PDZD8: variants seen among roughly 807,000 people sequenced by gnomAD.
PDZD8 encodes the protein PDZ domain containing 8, also known as PDZ domain-containing protein 8.
PDZD8 carries 14 observed loss-of-function variants against 85.8 expected under a neutral mutation model. That is an observed-to-expected ratio of 0.16 (90% CI 0.11 to 0.26). The LOEUF is 0.26. PDZD8 is among the 10% of genes least tolerant of loss of function. The probability of loss-of-function intolerance (pLI) is 1.00; values close to 1 mark genes in which losing one functional copy is unlikely to be tolerated. For synonymous variants in PDZD8, 592 were observed against 568.6 expected (o/e 1.04, Z -0.59); for missense variants, 1,197 against 1,424.3 (o/e 0.84, Z 2.57).
intron 2 of PDZD8, among the ~76,000 whole-genome samples, chr10:117,331,593 T>C (rs1391446413): frequency 1.3e-5 from 2 of 152,198 alleles, no homozygotes; most frequent in Non-Finnish European, 2.9e-5. Flanking sequence ...AATTATTATT[T>C]TCTGACCACA....
chr10:117,374,988 G>A lies in PDZD8; in HGVS notation c.240C>T (p.Pro80=). ...GGGCGGGGGTCTCGGGGGCCGCGGTGGGGGTCGCGCCGCCCTCAGGGGCCG... is the reference window on the plus strand; with the variant it reads ...GGGCGGGGGTCTCGGGGGCCGCGGTAGGGGTCGCGCCGCCCTCAGGGGCCG... ...SGAAPEGGAT[P]TAAPETPAPP... is the part of the protein sequence containing the mutation. Residue 80 remains proline (P), a synonymous_variant, in exon 1 of 5, where the codon CCC becomes CCT. Coordinates refer to ENST00000334464, the MANE Select transcript of PDZD8 (RefSeq NM_173791.5). This position sits in a 1 kb window ranked among gnomAD's most constrained non-coding sequence, Gnocchi z 7.8. 1 of 1,594,548 alleles carries A rather than the reference G, an allele frequency of 6.3e-7. No individual in the cohort carries two copies. Among genetic ancestry groups the A allele is most frequent in the East Asian group, 2.3e-5 (1 of 43,992 alleles).
chr10:117,278,106 A>T lies in PDZD8; in HGVS notation c.*5162T>A, dbSNP rs1050319819. ...ATACTGTCAAGGTTGTTTAAACATG[A>T]TAAGGTTAATCGCCATCTACTTCAA... On this transcript the variant is annotated 3_prime_UTR_variant, in exon 5 of 5. Transcript: ENST00000334464. The T allele has an allele frequency of 6.6e-6, 1 of 152,194 alleles. No individual in the cohort carries two copies. Among genetic ancestry groups the T allele is most frequent in the Admixed American group, 6.5e-5 (1 of 15,284 alleles). The allele number at this position is 152,194 out of a possible 1,614,324, so 9.4% of individuals were successfully genotyped here.
intron 1 of PDZD8, among the ~76,000 whole-genome samples, chr10:117,366,745 T>C (rs895417153): frequency 6.6e-6 from 1 of 152,220 alleles, no homozygotes; most frequent in African/African-American, 2.4e-5. Context: ...GAAGAAATAA[T>C]AGAGCATGAG....
intron 2 of PDZD8, among the ~76,000 whole-genome samples, chr10:117,330,443 G>A (rs188103651): frequency 6.6e-6 from 1 of 152,258 alleles, no homozygotes; most frequent in Admixed American, 6.5e-5. Context: ...ACTGTGTCTT[G>A]TTCTTTCTAT....
chr10:117,310,323 C>T (rs1404055919), intron 3 of PDZD8, among the ~76,000 whole-genome samples: 1 of 152,162 alleles, frequency 6.6e-6, no homozygotes, highest in Admixed American at 6.6e-5. Flanking sequence ...ACTACTGATA[C>T]TCACAGTACT....
At chr10:117,315,283 A>G (rs1328253029) in intron 3 of PDZD8, among the ~76,000 whole-genome samples, 1 of 152,000 alleles carries the variant, frequency 6.6e-6, no homozygotes, top group Non-Finnish European at 1.5e-5. Flanking sequence ...AGAGAACAAA[A>G]CTTTTATTAA....
chr10:117,285,626 TG>T lies in PDZD8; in HGVS notation c.1262-156del. On this transcript the variant is annotated intron_variant, in intron 4 of 4. Transcript: ENST00000334464. ...AGGAAAATCTCAACAATATTTTATT[TG>T]GCTTTTGGATGAATCAGTGTGCTAA... The T allele has an allele frequency of 2.6e-6, 3 of 1,175,002 alleles. No individual in the cohort carries two copies. In the East Asian group the frequency reaches 8.5e-5, roughly 33 times the overall value. 72.8% of individuals were successfully genotyped at this position (1,175,002 alleles called of 1,614,324 possible).
chr10:117,285,244 C>G lies in PDZD8; in HGVS notation c.1489G>C (p.Glu497Gln). ...ACATCACTTGCCAAGTCTTCAAATT[C>G]AGAATCCAGCTCTCTACTTTCAGTA... ...VDTESRELDSEFEDLASDVRA... is the reference protein window; with the variant it reads ...VDTESRELDSQFEDLASDVRA... The change falls in exon 5 of 5, where the codon GAA becomes CAA. Residue 497 changes from glutamate to glutamine, a missense_variant. Transcript: ENST00000334464. 1 of 1,614,188 alleles carries G rather than the reference C, an allele frequency of 6.2e-7. No individual in the cohort carries two copies. Among genetic ancestry groups the G allele is most frequent in the Middle Eastern group, 1.6e-4 (1 of 6,062 alleles).
intron 3 of PDZD8, among the ~76,000 whole-genome samples, chr10:117,300,992 A>AT (rs1417065565): frequency 3.9e-5 from 6 of 151,902 alleles, no homozygotes; most frequent in African/African-American, 7.3e-5. Flanking sequence ...AAAAATCATC[A>AT]TTTTTTTCTT....
chr10:117,327,304 A>C (rs1844334994), intron 2 of PDZD8, among the ~76,000 whole-genome samples: 1 of 152,240 alleles, frequency 6.6e-6, no homozygotes, highest in Admixed American at 6.5e-5. Flanking sequence ...GAATTGTTAA[A>C]CAAAAATTAT....
intron 3 of PDZD8, among the ~76,000 whole-genome samples, chr10:117,295,016 A>C (rs910871121): frequency 1.3e-5 from 2 of 152,196 alleles, no homozygotes; most frequent in African/African-American, 4.8e-5. Flanking sequence ...TTCACCACAA[A>C]GAAATGTTTG....
At chr10:117,372,782 CCTGCCACGCAAGTTTTAAACTGTCACT>C (rs1429011246) in intron 1 of PDZD8, among the ~76,000 whole-genome samples, 1 of 152,222 alleles carries the variant, frequency 6.6e-6, no homozygotes, top group African/African-American at 2.4e-5. Context: ...GTAAATTTCT[CCTGCCACGCAAGTTTTAAACTGTCACT>C]CTGCGCTGTT....
chr10:117,302,771 T>C (rs947183756), intron 3 of PDZD8, among the ~76,000 whole-genome samples: 1 of 152,196 alleles, frequency 6.6e-6, no homozygotes, highest in African/African-American at 2.4e-5. Context: ...ATTCTCGTGA[T>C]AGTGAATTAA....
chr10:117,335,574 CTA>C (rs1844502485), intron 2 of PDZD8, among the ~76,000 whole-genome samples: 1 of 152,072 alleles, frequency 6.6e-6, no homozygotes, highest in African/African-American at 2.4e-5. Context: ...TGTTAATACT[CTA>C]TGTATTTAAA....
chr10:117,294,794 T>G (rs901338305), intron 3 of PDZD8, among the ~76,000 whole-genome samples: 2 of 152,132 alleles, frequency 1.3e-5, no homozygotes, highest in African/African-American at 4.8e-5. Context: ...CACTCATATG[T>G]GGAATCTAAA....
At chr10:117,321,455 G>T (rs1844223954) in intron 2 of PDZD8, among the ~76,000 whole-genome samples, 1 of 152,134 alleles carries the variant, frequency 6.6e-6, no homozygotes, top group Non-Finnish European at 1.5e-5. Context: ...TATACAGATA[G>T]AAAGTTATTT....
At chr10:117,335,637 C>T (rs1046405351) in intron 2 of PDZD8, among the ~76,000 whole-genome samples, 1 of 152,130 alleles carries the variant, frequency 6.6e-6, no homozygotes, top group Non-Finnish European at 1.5e-5. Flanking sequence ...GAGACTAAAT[C>T]TGAAAGCAAT....
In PDZD8 at chr10:117,374,866, T is replaced by C. The variant is rs1227058504; in HGVS notation, c.362A>G (p.Lys121Arg). 6.2e-7 allele frequency: 1 copy of C among 1,613,666 alleles called. No individual in the cohort carries two copies. Residue 121 changes from lysine (K) to arginine (R), a missense_variant, in exon 1 of 5, where the codon AAG becomes AGG. Physicochemically the swap from Lys to Arg is conservative, Grantham distance 26. Transcript: ENST00000334464. This position sits in a 1 kb window ranked among gnomAD's most constrained non-coding sequence, Gnocchi z 7.8. Reference protein sequence around the residue: ...DTALTRRWVTKKIKVEFEELL... With the variant: ...DTALTRRWVTRKIKVEFEELL... ...CTCCTCGAACTCCACCTTGATCTTC[T>C]TGGTGACCCAGCGGCGGGTCAGCGC...
At chr10:117,359,392 G>C (rs1022460407) in intron 1 of PDZD8, among the ~76,000 whole-genome samples, 3 of 151,626 alleles carry the variant, frequency 2.0e-5, no homozygotes, top group Non-Finnish European at 2.9e-5. Context: ...CTCCAGCCTG[G>C]GTGACAGAGC....
Sources: gnomAD v4.1 joint callset for allele counts (sites outside exome capture counted in the v4.1 genomes callset) on GRCh38, gnomAD v4.1.1 for gene constraint, Gnocchi (gnomAD v3.1) non-coding constraint, MANE v1.5 for transcripts, NCBI Gene and HGNC (gene_info 2026-07-23, HGNC 2026-07-21) for gene names.